Variants in DLGAP4 observed in about 807,000 individuals in gnomAD.
DLGAP4 encodes the protein DLG associated protein 4.
In DLGAP4, 18 loss-of-function variants were observed where a neutral mutation model predicts 86.9. That is an observed-to-expected ratio of 0.21 (90% CI 0.14 to 0.31). The LOEUF (loss-of-function observed/expected upper bound fraction) is 0.31, where lower values mean the gene tolerates loss of function less well. Among genes scored for constraint, DLGAP4 ranks in the 10% least tolerant of loss-of-function variants. The pLI is 1.00. For synonymous variants in DLGAP4, 548 were observed against 574.3 expected (o/e 0.95, Z 0.65); for missense variants, 1,085 against 1,362.6 (o/e 0.80, Z 3.21).
intron 7 of DLGAP4, among the ~76,000 whole-genome samples, chr20:36,473,896 A>G (rs913606860): frequency 5.1e-4 from 77 of 152,310 alleles, no homozygotes; most frequent in African/African-American, 1.7e-3. Context: ...ATATGTACCT[A>G]TAGTTAAGAG....
chr20:36,503,366 G>A lies in DLGAP4; in HGVS notation c.2512+2755G>A, dbSNP rs546300806. On this transcript the variant is annotated intron_variant, in intron 10 of 12. Transcript: ENST00000339266. ...AACATGTTCATTGCCCCAAAAAGAT[G>A]CTCTCTGCTCATTAGGAGCCGCTCC... 3.6e-4 allele frequency among the ~76,000 whole-genome samples: 55 copies of A among 151,618 alleles called. 1 individual carries two copies. In the South Asian group the frequency reaches 0.011, roughly 31 times the overall value.
chr20:36,392,615 G>A (rs946612026), intron 2 of DLGAP4, among the ~76,000 whole-genome samples: 1 of 152,154 alleles, frequency 6.6e-6, no homozygotes, highest in South Asian at 2.1e-4. Flanking sequence ...TCATCCACCC[G>A]CCTCAGCCTC....
At chr20:36,446,357 C>T (rs568004356) in intron 6 of DLGAP4, among the ~76,000 whole-genome samples, 1 of 152,324 alleles carries the variant, frequency 6.6e-6, no homozygotes, top group South Asian at 2.1e-4. Context: ...TCAGGACAGA[C>T]ATTGCTAATT....
intron 1 of DLGAP4, among the ~76,000 whole-genome samples, chr20:36,326,482 T>C (rs1260962652): frequency 1.3e-5 from 2 of 152,232 alleles, no homozygotes; most frequent in Admixed American, 1.3e-4. Flanking sequence ...TACATCACAA[T>C]AGCATACTTC....
chr20:36,424,262 G>C (rs2032912251), intron 2 of DLGAP4, among the ~76,000 whole-genome samples: 1 of 152,202 alleles, frequency 6.6e-6, no homozygotes, highest in Admixed American at 6.5e-5. Flanking sequence ...CTGGAACTGG[G>C]ATGGCCCTTT....
At chr20:36,438,993 A>G (rs1314416309) in intron 4 of DLGAP4, among the ~76,000 whole-genome samples, 4 of 152,144 alleles carry the variant, frequency 2.6e-5, no homozygotes, top group African/African-American at 9.7e-5. Flanking sequence ...AGATCCTACA[A>G]TCCGAGTGAC....
At chr20:36,462,238 G>A in intron 7 of DLGAP4, 1 of 1,202,370 alleles carries the variant, frequency 8.3e-7, no homozygotes, top group Middle Eastern at 3.3e-4. Flanking sequence ...GACTTCAGGA[G>A]CTCCTCTCTG....
chr20:36,478,575 A>G (rs1241332876), intron 7 of DLGAP4, among the ~76,000 whole-genome samples: 2 of 152,212 alleles, frequency 1.3e-5, no homozygotes, highest in Non-Finnish European at 2.9e-5. Flanking sequence ...CGGGATGTTT[A>G]TGAGAGTGTA....
chr20:36,526,285 C>T (rs990747585), intron 12 of DLGAP4, among the ~76,000 whole-genome samples: 3 of 151,282 alleles, frequency 2.0e-5, no homozygotes, highest in Non-Finnish European at 4.4e-5. Flanking sequence ...CACGTTATAA[C>T]AGAGGAGGCA....
intron 2 of DLGAP4, among the ~76,000 whole-genome samples, chr20:36,380,202 A>G (rs117774319): frequency 0.011 from 1,624 of 150,170 alleles, 8 homozygotes; most frequent in Non-Finnish European, 0.017. Flanking sequence ...TAAAAATTAG[A>G]CCAGCCTGGG....
intron 2 of DLGAP4, among the ~76,000 whole-genome samples, chr20:36,385,897 G>T (rs1366311906): frequency 6.6e-6 from 1 of 152,164 alleles, no homozygotes; most frequent in Non-Finnish European, 1.5e-5. Context: ...CCCCACTTCA[G>T]CCCAGGAGGC....
At chr20:36,523,713 G>A (rs137967177) in intron 10 of DLGAP4, among the ~76,000 whole-genome samples, 2,697 of 152,250 alleles carry the variant, frequency 0.018, 89 homozygotes, top group African/African-American at 0.062. Context: ...ACCCAAGCTG[G>A]AGTGCAGTGG....
chr20:36,429,079 T>C (rs2033056820), intron 2 of DLGAP4, among the ~76,000 whole-genome samples: 1 of 152,166 alleles, frequency 6.6e-6, no homozygotes, highest in Admixed American at 6.5e-5. Flanking sequence ...TTTATTTATT[T>C]ATTTATGTAT....
chr20:36,510,981 AT>A (rs1274461918), intron 10 of DLGAP4: 16 of 152,210 alleles, frequency 1.1e-4, no homozygotes, highest in African/African-American at 3.6e-4. Flanking sequence ...TCCAATATAA[AT>A]TATAGAATTT....
At chr20:36,327,617 A>G (rs1423843191) in intron 1 of DLGAP4, among the ~76,000 whole-genome samples, 1 of 121,002 alleles carries the variant, frequency 8.3e-6, no homozygotes, top group African/African-American at 3.4e-5. Context: ...TTTGAGACGG[A>G]GTCTCGCTCT....
intron 7 of DLGAP4, among the ~76,000 whole-genome samples, chr20:36,479,248 C>T (rs2035078118): frequency 6.6e-6 from 1 of 152,080 alleles, no homozygotes; most frequent in South Asian, 2.1e-4. Flanking sequence ...GTCTCTTACT[C>T]TTCTCTACTT....
At chr20:36,456,109 T>G (rs1384706958) in intron 7 of DLGAP4, among the ~76,000 whole-genome samples, 1 of 152,206 alleles carries the variant, frequency 6.6e-6, no homozygotes, top group Non-Finnish European at 1.5e-5. Flanking sequence ...TACATACATC[T>G]GCAATTCCTG....
intron 2 of DLGAP4, among the ~76,000 whole-genome samples, chr20:36,370,217 G>C (rs2030870250): frequency 6.6e-6 from 1 of 151,968 alleles, no homozygotes; most frequent in Non-Finnish European, 1.5e-5. Context: ...AAGTATCAAA[G>C]AGCTGGGTGC....
At position 36,460,293 on chromosome 20, in the gene DLGAP4, C is replaced by T. The variant is rs1275399; in HGVS notation, c.1648+13356C>T. Among the ~76,000 whole-genome samples, 1,052 of 152,186 alleles carry T rather than the reference C, an allele frequency of 6.9e-3. 7 individuals carry two copies. Among genetic ancestry groups the T allele is most frequent in the African/African-American group, 0.024 (1,012 of 41,518 alleles). On this transcript the variant is annotated intron_variant, in intron 7 of 12. Transcript: ENST00000339266. ...CCAGCCTGAGCAACAGAGACCTTGT[C>T]GCTACAAAAAATAAAAATAACCAAC...
Sources: gnomAD v4.1 joint callset for allele counts (sites outside exome capture counted in the v4.1 genomes callset) on GRCh38, gnomAD v4.1.1 for gene constraint, MANE v1.5 for transcripts, NCBI Gene and HGNC (gene_info 2026-07-23, HGNC 2026-07-21) for gene names.